MYO1H: variants seen among roughly 807,000 people sequenced by gnomAD.
The protein encoded by MYO1H is myosin IH, also known as unconventional myosin-Ih.
A neutral mutation model predicts 149.3 loss-of-function variants in MYO1H; 118 were observed. The ratio of observed to expected loss-of-function variants is 0.79; its 90% confidence interval spans 0.68 to 0.92. The LOEUF (loss-of-function observed/expected upper bound fraction) is 0.92. MYO1H is among the 40% of genes least tolerant of loss of function. The pLI, the probability that MYO1H is intolerant of heterozygous loss-of-function variation, is 0.00. For synonymous variants in MYO1H, 447 were observed against 465.2 expected, an observed-to-expected ratio of 0.96 and a Z score of 0.50; for missense variants, 1,212 against 1,280.7, an observed-to-expected ratio of 0.95 and a Z score of 0.82.
chr12:109,412,100 T>C, intron 14 of MYO1H, 115 bp downstream of exon 14: 2 of 657,968 alleles, frequency 3.0e-6, no homozygotes, highest in East Asian at 5.8e-5. Context: ...TAAAAATATC[T>C]TTATGTATAC....
chr12:109,353,393 CA>C (rs55927192), intron 1 of MYO1H, among the ~76,000 whole-genome samples: 85 of 79,270 alleles, frequency 1.1e-3, no homozygotes, highest in African/African-American at 3.6e-3. Flanking sequence ...GACTCCGTCT[CA>C]AAAAAAAAAA....
intron 1 of MYO1H, among the ~76,000 whole-genome samples, chr12:109,358,004 C>T (rs1868646874): frequency 6.6e-6 from 1 of 151,624 alleles, no homozygotes. Context: ...GCTGATTTTT[C>T]ATGCAGAGCA....
intron 17 of MYO1H, among the ~76,000 whole-genome samples, chr12:109,425,454 G>A (rs1273099380): frequency 6.6e-6 from 1 of 152,232 alleles, no homozygotes; most frequent in Non-Finnish European, 1.5e-5. Context: ...CACCTACTAT[G>A]TATATGTGGC....
chr12:109,408,784 A>G (rs1641473985), intron 10 of MYO1H, among the ~76,000 whole-genome samples: 1 of 151,858 alleles, frequency 6.6e-6, no homozygotes, highest in African/African-American at 2.4e-5. Context: ...AAATAAATAC[A>G]TTATCTCTTT....
the MYO1H span, among the ~76,000 whole-genome samples, chr12:109,312,068 A>G: frequency 6.6e-6 from 1 of 152,240 alleles, no homozygotes; most frequent in Non-Finnish European, 1.5e-5. Context: ...ATAAGCTTAT[A>G]AATCAACTCA....
At chr12:109,409,787 C>T (rs566443390) in intron 11 of MYO1H, among the ~76,000 whole-genome samples, 163 bp downstream of exon 11, 1 of 152,060 alleles carries the variant, frequency 6.6e-6, no homozygotes, top group African/African-American at 2.4e-5. Flanking sequence ...TGTGGACTAA[C>T]CATAAAAATG....
At chr12:109,383,237 C>T (rs1005878586) in intron 1 of MYO1H, among the ~76,000 whole-genome samples, 3 of 152,166 alleles carry the variant, frequency 2.0e-5, no homozygotes, top group Non-Finnish European at 4.4e-5. Context: ...TCAAAAATGA[C>T]AGCTTCAAGG....
chr12:109,324,476 C>T, the MYO1H span, among the ~76,000 whole-genome samples: 4 of 152,174 alleles, frequency 2.6e-5, no homozygotes, highest in Non-Finnish European at 5.9e-5. Flanking sequence ...ATCTGCCTAA[C>T]TTATTTTATA....
intron 14 of MYO1H, among the ~76,000 whole-genome samples, chr12:109,414,502 A>G (rs557414479): frequency 1.3e-5 from 2 of 151,432 alleles, no homozygotes; most frequent in South Asian, 2.1e-4. Context: ...AAGAAAGAAA[A>G]AAAAAATCAA....
rs60551691 is a variant in MYO1H at position 109,396,814 on chromosome 12, GTTTTTTTTTTTT to G, written c.489+251_489+262del. Among the ~76,000 whole-genome samples the G allele has an allele frequency of 5.0e-3, 255 of 51,056 alleles. 10 individuals are homozygous for G. The highest frequency in any genetic ancestry group is 0.014 in the African/African-American group (226 of 15,852). 33.5% of individuals were successfully genotyped at this position (51,056 alleles called of 152,430 possible). On this transcript the variant is annotated intron_variant, in intron 4 of 31. Coordinates refer to ENST00000310903, the Ensembl canonical transcript of MYO1H. ...GACATTTGGTTTTTGTTTTGGTTTCGTTTTTTTTTTTTTTTTTTTTTTTTTTTTTTGAGACGG... is the reference window on the plus strand; with the variant it reads ...GACATTTGGTTTTTGTTTTGGTTTCGTTTTTTTTTTTTTTTTTTGAGACGG...
At chr12:109,393,971 G>A (rs943248086) in intron 3 of MYO1H, among the ~76,000 whole-genome samples, 5 of 152,138 alleles carry the variant, frequency 3.3e-5, no homozygotes, top group Admixed American at 6.6e-5. Context: ...AGGACTGCTC[G>A]TTGGTAGAAA....
intron 16 of MYO1H, among the ~76,000 whole-genome samples, chr12:109,422,345 G>A (rs926636054): frequency 6.6e-6 from 1 of 152,176 alleles, no homozygotes; most frequent in Non-Finnish European, 1.5e-5. Flanking sequence ...AGGTAGACGA[G>A]CAACTCCTGA....
intron 27 of MYO1H, among the ~76,000 whole-genome samples, chr12:109,442,594 G>A (rs1208772421): frequency 6.6e-6 from 1 of 152,084 alleles, no homozygotes; most frequent in Non-Finnish European, 1.5e-5. Flanking sequence ...ATAGTGCCTG[G>A]GCACTGACAC....
chr12:109,344,435 T>G (rs2048096119), upstream of MYO1H, among the ~76,000 whole-genome samples: 1 of 152,150 alleles, frequency 6.6e-6, no homozygotes, highest in African/African-American at 2.4e-5. Context: ...AAAAGAAGTG[T>G]AAGACTTGAA....
At chr12:109,376,311 G>C (rs1869086974) in intron 1 of MYO1H, among the ~76,000 whole-genome samples, 1 of 152,132 alleles carries the variant, frequency 6.6e-6, no homozygotes, top group African/African-American at 2.4e-5. Flanking sequence ...ATATTTCACT[G>C]TTCTGGATAT....
At chr12:109,434,383 A>G (rs2135593004) in intron 20 of MYO1H, among the ~76,000 whole-genome samples, 1 of 152,104 alleles carries the variant, frequency 6.6e-6, no homozygotes, top group East Asian at 1.9e-4. Context: ...AATCCCAGCT[A>G]CTCGGGAGTC....
At chr12:109,337,961 AG>A in the MYO1H span, among the ~76,000 whole-genome samples, 1 of 152,178 alleles carries the variant, frequency 6.6e-6, no homozygotes, top group South Asian at 2.1e-4. Context: ...AGGTACAAAA[AG>A]CTCCCCAGAC....
chr12:109,418,574 G>T (rs1299878342), intron 15 of MYO1H, among the ~76,000 whole-genome samples: 1 of 151,794 alleles, frequency 6.6e-6, no homozygotes, highest in Non-Finnish European at 1.5e-5. Flanking sequence ...TTTTTAGACG[G>T]AGTCTCGCCT....
chr12:109,448,072 CT>C (rs1872564636), exon 32 of MYO1H: 1 of 152,138 alleles, frequency 6.6e-6, no homozygotes, highest in African/African-American at 2.4e-5. Flanking sequence ...TTCACCAAAA[CT>C]TAGGTAATAT....
Sources: allele counts gnomAD v4.1 joint callset (sites outside exome capture counted in the v4.1 genomes callset), GRCh38; gene constraint gnomAD v4.1.1; transcripts MANE v1.5; gene names NCBI Gene and HGNC (gene_info 2026-07-23, HGNC 2026-07-21).